KIF13A: variants seen among roughly 807,000 people sequenced by gnomAD.
The protein encoded by KIF13A is kinesin family member 13A.
KIF13A carries 79 observed loss-of-function variants against 212.2 expected under a neutral mutation model. The observed-to-expected ratio is 0.37, with a 90% CI of 0.31 to 0.45. The LOEUF (loss-of-function observed/expected upper bound fraction) is 0.45. KIF13A is among the 20% of genes least tolerant of loss of function. The probability of loss-of-function intolerance (pLI) is 1.00; values close to 1 mark genes in which losing one functional copy is unlikely to be tolerated. For synonymous variants in KIF13A, 789 were observed against 808.6 expected (o/e 0.98, Z 0.41); for missense variants, 1,901 against 2,209.0 (o/e 0.86, Z 2.79).
chr6:17,943,124 T>G (rs1780850623), intron 2 of KIF13A, among the ~76,000 whole-genome samples: 2 of 152,204 alleles, frequency 1.3e-5, no homozygotes, highest in East Asian at 1.9e-4. Flanking sequence ...ATCTTTAGAC[T>G]GACACAAAGT....
chr6:17,862,730 C>T (rs1768926648), intron 4 of KIF13A, among the ~76,000 whole-genome samples: 1 of 152,068 alleles, frequency 6.6e-6, no homozygotes, highest in African/African-American at 2.4e-5. Flanking sequence ...GGGTGAATCA[C>T]GAGGTCAGGA....
Position 17,816,719 on chromosome 6 carries a change from A to C in KIF13A, c.2000+301T>G. 7.1e-6 allele frequency among the ~76,000 whole-genome samples: 1 copy of C among 140,912 alleles called. No homozygotes were observed. The highest frequency in any genetic ancestry group is 1.9e-4 in the East Asian group (1 of 5,198). 92.4% of individuals were successfully genotyped at this position (140,912 alleles called of 152,430 possible). A position where few individuals can be genotyped will look rare whatever the true frequency, so the allele number is the denominator to read the frequency against. On this transcript the variant is annotated intron_variant, in intron 17 of 38. Coordinates refer to ENST00000259711, the MANE Select transcript of KIF13A (RefSeq NM_022113.6). This position sits in a 1 kb window ranked among gnomAD's most constrained non-coding sequence, Gnocchi z 4.3. ...ATAAGAAAAAAATGCTTTTGTGTTA[A>C]AGAAATTATTCAAACTTTCTAAATT...
Position 17,917,689 on chromosome 6 carries a change from A to T in KIF13A, c.147-19509T>A, listed in dbSNP as rs185912497. Among the ~76,000 whole-genome samples, 26 of 152,360 alleles carry T rather than the reference A, an allele frequency of 1.7e-4. No individual in the cohort carries two copies. The East Asian group carries it at 4.4e-3, about 26-fold the overall frequency. ...ATTAAAACCTAGTTCAGGGCCTTTA[A>T]TATATCCCCTTAACAACGTAGCTAA... is the stretch of plus-strand genomic sequence containing the variant. On this transcript the variant is annotated intron_variant, in intron 2 of 38. Transcript: ENST00000259711.
intron 9 of KIF13A, among the ~76,000 whole-genome samples, chr6:17,845,045 A>G (rs1766883486): frequency 6.6e-6 from 1 of 152,210 alleles, no homozygotes; most frequent in South Asian, 2.1e-4. Context: ...TAATGGACTC[A>G]CAGTTCCACG....
rs554742016 is a variant in KIF13A at position 17,967,870 on chromosome 6, C to A, written c.146+19184G>T. Among the ~76,000 whole-genome samples the A allele has an allele frequency of 1.3e-5, 2 of 152,264 alleles. No homozygotes were observed. The highest frequency in any genetic ancestry group is 3.9e-4 in the East Asian group (2 of 5,186). On this transcript the variant is annotated intron_variant, in intron 2 of 38. Transcript: ENST00000259711. This position sits in a 1 kb window ranked among gnomAD's most constrained non-coding sequence, Gnocchi z 4.1. ...TGCTCATTAAGTAAGTCTGTAAAAGCTTACTTAATAAAGTCTGTGAAGGTC... is the reference window on the plus strand; with the variant it reads ...TGCTCATTAAGTAAGTCTGTAAAAGATTACTTAATAAAGTCTGTGAAGGTC...
intron 13 of KIF13A, among the ~76,000 whole-genome samples, chr6:17,830,182 C>T (rs1032136757): frequency 1.3e-5 from 2 of 152,120 alleles, no homozygotes; most frequent in Admixed American, 6.6e-5. Context: ...ATCTGAGAAC[C>T]CCCGGGGTCT....
chr6:17,794,715 A>G lies in KIF13A; in HGVS notation c.2943-11T>C. 1 of 1,603,128 alleles carries G rather than the reference A, an allele frequency of 6.2e-7. No homozygotes were observed. The highest frequency in any genetic ancestry group is 2.2e-5 in the East Asian group (1 of 44,850). ...GTTACTTCATTCCACCTGCAGAAAC[A>G]CATTCCAACAAGCAAGAGCGTCATC... is the stretch of plus-strand genomic sequence containing the variant. On this transcript the variant is annotated splice_polypyrimidine_tract_variant and intron_variant, in intron 23 of 38. Transcript: ENST00000259711. This position sits in a 1 kb window ranked among gnomAD's most constrained non-coding sequence, Gnocchi z 4.1.
rs746729350 is a variant in KIF13A, at chr6:17,838,109, G to T, written c.831-526C>A. On this transcript the variant is annotated intron_variant, in intron 9 of 38. Coordinates refer to ENST00000259711, the MANE Select transcript of KIF13A (RefSeq NM_022113.6). The surrounding 1 kb of genome is among the most constrained non-coding windows in gnomAD (Gnocchi z 4.2). ...AGGCAGGTGGATCATGAGGTCAGGG[G>T]TCAGGAGATCAAGACCATCCTGGCC... Among the ~76,000 whole-genome samples, 3 of 152,024 alleles carry T rather than the reference G, an allele frequency of 2.0e-5. No individual in the cohort carries two copies. The highest frequency in any genetic ancestry group is 2.9e-5 in the Non-Finnish European group (2 of 68,012).
intron 2 of KIF13A, among the ~76,000 whole-genome samples, chr6:17,962,068 T>G (rs544559950): frequency 7.4e-4 from 112 of 152,322 alleles, no homozygotes; most frequent in African/African-American, 2.6e-3. Context: ...GGTTCATGCC[T>G]GTAGTCCCAG....
intron 6 of KIF13A, among the ~76,000 whole-genome samples, chr6:17,853,812 C>T (rs1473699997): frequency 6.6e-6 from 1 of 152,070 alleles, no homozygotes; most frequent in Non-Finnish European, 1.5e-5. Context: ...ACACAAAATT[C>T]ACAATAGTAG....
At chr6:17,937,188 C>T (rs1043996305) in intron 2 of KIF13A, among the ~76,000 whole-genome samples, 1 of 152,128 alleles carries the variant, frequency 6.6e-6, no homozygotes, top group African/African-American at 2.4e-5. Flanking sequence ...TACATATATA[C>T]ACATACATAC....
chr6:17,886,447 C>T lies in KIF13A; in HGVS notation c.159+11721G>A, dbSNP rs967017245. 9.2e-5 allele frequency among the ~76,000 whole-genome samples: 14 copies of T among 152,188 alleles called. No homozygotes were observed. The highest frequency in any genetic ancestry group is 3.9e-4 in the Admixed American group (6 of 15,264). The stretch of plus-strand genomic sequence containing the variant: ...AGAGTTCACACTGCTGCGGCTGACT[C>T]GGGCCAAGTGGGAGCCAAGAGACTC... On this transcript the variant is annotated intron_variant, in intron 3 of 38. Transcript: ENST00000259711. This position sits in a 1 kb window ranked among gnomAD's most constrained non-coding sequence, Gnocchi z 5.6.
At position 17,963,135 on chromosome 6, in the gene KIF13A, A is replaced by G. The variant is rs1778988252; in HGVS notation, c.146+23919T>C. Among the ~76,000 whole-genome samples, 1 of 152,168 alleles carries G rather than the reference A, an allele frequency of 6.6e-6. No homozygotes were observed. Among genetic ancestry groups the G allele is most frequent in the Non-Finnish European group, 1.5e-5 (1 of 68,020 alleles). Reference sequence around the variant, plus strand: ...TGAGGGAGTAAGAGTGTCATGTGAAAGGCTGGGTGCGGTGGCTCATGCCTG... The same window carrying G: ...TGAGGGAGTAAGAGTGTCATGTGAAGGGCTGGGTGCGGTGGCTCATGCCTG... On this transcript the variant is annotated intron_variant, in intron 2 of 38. Coordinates refer to ENST00000259711, the MANE Select transcript of KIF13A (RefSeq NM_022113.6). The surrounding 1 kb of genome is among the most constrained non-coding windows in gnomAD (Gnocchi z 4.1).
intron 31 of KIF13A, 46 bp from the exon 32 acceptor site, chr6:17,779,730 A>C: frequency 1.3e-6 from 1 of 788,858 alleles, no homozygotes; most frequent in South Asian, 1.5e-5. Flanking sequence ...TGACAAATGT[A>C]AGTTATTTTG....
At chr6:17,923,851 A>T (rs964929946) in intron 2 of KIF13A, among the ~76,000 whole-genome samples, 10 of 152,186 alleles carry the variant, frequency 6.6e-5, no homozygotes, top group Non-Finnish European at 1.2e-4. Context: ...GTGAGGGCAC[A>T]ACTCTTAAAA....
intron 2 of KIF13A, among the ~76,000 whole-genome samples, chr6:17,953,173 A>C (rs981863717): frequency 3.9e-5 from 6 of 152,184 alleles, no homozygotes; most frequent in Non-Finnish European, 7.4e-5. Flanking sequence ...GTAGACACCC[A>C]TCTATTAACA....
chr6:17,855,506 G>A lies in KIF13A; in HGVS notation c.425C>T (p.Thr142Ile). 1 of 1,613,600 alleles carries A rather than the reference G, an allele frequency of 6.2e-7. No homozygotes were observed. Among genetic ancestry groups the A allele is most frequent in the Non-Finnish European group, 8.5e-7 (1 of 1,179,686 alleles). Residue 142 changes from threonine to isoleucine, a missense_variant, in exon 6 of 39, where the codon ACC (threonine) becomes ATC (isoleucine). Thr to Ile is a moderately conservative substitution (Grantham distance 89, BLOSUM62 -1). Around this residue, in one of 5 missense-constraint regions of KIF13A, gnomAD observed 506 missense variants for 637.4 expected, o/e 0.79. Transcript: ENST00000259711. The surrounding 1 kb of genome is among the most constrained non-coding windows in gnomAD (Gnocchi z 4.1). The stretch of plus-strand genomic sequence containing the variant: ...CATATAGGACACTTCAACTTTAAAG[G>A]TCTGTGACTCATTTTGCTCCAAAGA... ...RISLEQNESQ[T>I]FKVEVSYMEI...
chr6:17,811,858 T>TCC lies in KIF13A; in HGVS notation c.2001-2929_2001-2928insGG, dbSNP rs764622236. Reference sequence around the variant, plus strand: ...TTTTCTTTCTTTCCTTCTCTCTCTCTCTTTTTCTTGGAGATAGGGTCTCCC... The same window carrying TCC: ...TTTTCTTTCTTTCCTTCTCTCTCTCTCCCTTTTTCTTGGAGATAGGGTCTCCC... On this transcript the variant is annotated intron_variant, in intron 17 of 38. Transcript: ENST00000259711. This position sits in a 1 kb window ranked among gnomAD's most constrained non-coding sequence, Gnocchi z 6.0. Among the ~76,000 whole-genome samples the TCC allele has an allele frequency of 6.6e-6, 1 of 151,656 alleles. No homozygotes were observed. Among genetic ancestry groups the TCC allele is most frequent in the Non-Finnish European group, 1.5e-5 (1 of 67,878 alleles).
rs1416564568 is a variant in KIF13A, at chr6:17,811,082, G to A, written c.2001-2152C>T. Reference sequence around the variant, plus strand: ...GCTTCTCATCTGTTCATGCCAATCTGCCCACCCAAAATGTCCTTCTTACTT... The same window carrying A: ...GCTTCTCATCTGTTCATGCCAATCTACCCACCCAAAATGTCCTTCTTACTT... On this transcript the variant is annotated intron_variant, in intron 17 of 38. Transcript: ENST00000259711. The surrounding 1 kb of genome is among the most constrained non-coding windows in gnomAD (Gnocchi z 6.0). Among the ~76,000 whole-genome samples the A allele has an allele frequency of 6.6e-6, 1 of 152,106 alleles. No homozygotes were observed. Among genetic ancestry groups the A allele is most frequent in the Non-Finnish European group, 1.5e-5 (1 of 68,032 alleles).
Sources: allele counts gnomAD v4.1 joint callset (sites outside exome capture counted in the v4.1 genomes callset), GRCh38; gene constraint gnomAD v4.1.1; regional missense constraint gnomAD v4.1.1; non-coding constraint Gnocchi (gnomAD v3.1); transcripts MANE v1.5; gene names NCBI Gene and HGNC (gene_info 2026-07-23, HGNC 2026-07-21).